PCDH9: variants seen among roughly 807,000 people sequenced by gnomAD.
PCDH9 encodes the protein protocadherin 9.
In PCDH9, 24 loss-of-function variants were observed where a neutral mutation model predicts 70.6. The observed-to-expected ratio is 0.34, with a 90% CI of 0.25 to 0.48. The LOEUF (loss-of-function observed/expected upper bound fraction) is 0.48, where lower values mean the gene tolerates loss of function less well. Among genes scored for constraint, PCDH9 ranks in the 20% least tolerant of loss-of-function variants. The probability of loss-of-function intolerance (pLI) is 0.99; values close to 1 mark genes in which losing one functional copy is unlikely to be tolerated. For missense variants in PCDH9, 1,281 were observed against 1,503.6 expected, an observed-to-expected ratio of 0.85 and a Z score of 2.45; for synonymous variants, 562 against 558.5, an observed-to-expected ratio of 1.01 and a Z score of -0.09.
intron 4 of PCDH9, among the ~76,000 whole-genome samples, chr13:66,556,930 T>G (rs553554402): frequency 6.6e-6 from 1 of 152,292 alleles, no homozygotes; most frequent in South Asian, 2.1e-4. Flanking sequence ...TTATATTATT[T>G]AAAATCAATA....
chr13:66,468,922 A>G (rs1379070000), intron 4 of PCDH9, among the ~76,000 whole-genome samples: 1 of 152,154 alleles, frequency 6.6e-6, no homozygotes, highest in Non-Finnish European at 1.5e-5. Context: ...AAATGAGGTT[A>G]GGAAATAAAT....
rs970029897 is a variant in PCDH9, at chr13:66,820,841, G to A, written c.3138+82663C>T. On this transcript the variant is annotated intron_variant, in intron 3 of 4. Transcript: ENST00000377865. ...AGCAACACACTAGGGCCTGTTTGAG[G>A]GTGGAGGGTGGGAGGAGGAAAATGA... 3.7e-4 allele frequency among the ~76,000 whole-genome samples: 56 copies of A among 152,076 alleles called. 1 individual carries two copies. The highest frequency in any genetic ancestry group is 1.3e-3 in the African/African-American group (54 of 41,396).
chr13:66,371,172 A>G (rs1331632836), intron 4 of PCDH9, among the ~76,000 whole-genome samples: 1 of 152,094 alleles, frequency 6.6e-6, no homozygotes, highest in Non-Finnish European at 1.5e-5. Context: ...ATTGTTCTCT[A>G]TATTTGAGAA....
chr13:66,718,294 GTA>G lies in PCDH9; in HGVS notation c.3139-86885_3139-86884del, dbSNP rs568003713. Among the ~76,000 whole-genome samples, 6 of 152,234 alleles carry G rather than the reference GTA, an allele frequency of 3.9e-5. No homozygotes were observed. In the East Asian group the frequency reaches 1.2e-3, roughly 29 times the overall value. On this transcript the variant is annotated intron_variant, in intron 3 of 4. Coordinates refer to ENST00000377865, the MANE Select transcript of PCDH9 (RefSeq NM_203487.3). The stretch of plus-strand genomic sequence containing the variant: ...ATAGAACACTTTATAAGGTGCTTTT[GTA>G]TATGTTGTGTTACTCAAGCCCCACA...
intron 3 of PCDH9, among the ~76,000 whole-genome samples, chr13:66,896,448 A>T (rs1410783051): frequency 6.6e-6 from 1 of 152,106 alleles, no homozygotes; most frequent in East Asian, 1.9e-4. Context: ...AGTATAATTT[A>T]AAAAATAATA....
chr13:66,743,789 A>G (rs1340846318), intron 3 of PCDH9, among the ~76,000 whole-genome samples: 9 of 152,172 alleles, frequency 5.9e-5, no homozygotes, highest in African/African-American at 1.9e-4. Context: ...AAAAACAACT[A>G]AGTTAAAAAA....
chr13:66,909,730 T>C (rs187369026), intron 2 of PCDH9, among the ~76,000 whole-genome samples: 2 of 152,298 alleles, frequency 1.3e-5, no homozygotes, highest in Admixed American at 1.3e-4. Context: ...GCATTTGGCT[T>C]AGTCATCATG....
chr13:66,471,545 T>G (rs970271049), intron 4 of PCDH9, among the ~76,000 whole-genome samples: 1 of 152,242 alleles, frequency 6.6e-6, no homozygotes, highest in African/African-American at 2.4e-5. Context: ...TTTAACATTA[T>G]AATACCTAAC....
intron 3 of PCDH9, among the ~76,000 whole-genome samples, chr13:66,859,905 G>A (rs1315224580): frequency 1.3e-5 from 2 of 152,106 alleles, no homozygotes. Context: ...CAAGCCATTT[G>A]AATGAAATGG....
chr13:66,341,219 C>T (rs376472628), intron 4 of PCDH9, among the ~76,000 whole-genome samples: 12 of 151,982 alleles, frequency 7.9e-5, no homozygotes, highest in South Asian at 2.1e-4. Context: ...CAGCATCCCC[C>T]GTAGCTGGGA....
At chr13:66,911,814 G>C (rs1463442494) in intron 2 of PCDH9, among the ~76,000 whole-genome samples, 2 of 152,134 alleles carry the variant, frequency 1.3e-5, no homozygotes, top group Non-Finnish European at 2.9e-5. Context: ...GTGGATGCAA[G>C]CAATGCAGGA....
rs1241907107 is a variant in PCDH9, at chr13:66,436,398, T to TTTC, written c.3341-131373_3341-131371dup. Among the ~76,000 whole-genome samples the TTTC allele has an allele frequency of 3.3e-5, 5 of 152,252 alleles. No individual in the cohort carries two copies. The East Asian group carries it at 9.6e-4, about 29-fold the overall frequency. On this transcript the variant is annotated intron_variant, in intron 4 of 4. Coordinates refer to ENST00000377865, the MANE Select transcript of PCDH9 (RefSeq NM_203487.3). ...GCCTTCAGAACTGTGAGAAAATGAA[T>TTTC]TTCTATTCATTATAAATTACCCAGT...
chr13:67,016,849 G>C (rs954986619), intron 2 of PCDH9, among the ~76,000 whole-genome samples: 14 of 152,154 alleles, frequency 9.2e-5, no homozygotes, highest in Admixed American at 8.5e-4. Flanking sequence ...AATTCACCAT[G>C]TAAGCCTTCA....
intron 2 of PCDH9, among the ~76,000 whole-genome samples, chr13:67,105,856 A>ATACT: frequency 6.6e-6 from 1 of 151,762 alleles, no homozygotes; most frequent in East Asian, 1.9e-4. Context: ...TAAAGTTAGT[A>ATACT]ATCTCAAGAA....
Position 67,034,627 on chromosome 13 carries a change from T to C in PCDH9, c.3037-131022A>G, listed in dbSNP as rs1300950604. On this transcript the variant is annotated intron_variant, in intron 2 of 4. Transcript: ENST00000377865. The stretch of plus-strand genomic sequence containing the variant: ...AAATTGTGCCCATATACCATGGCCA[T>C]GTTTTGGTCTATGCTTTTATGCTAG... Among the ~76,000 whole-genome samples the C allele has an allele frequency of 2.6e-5, 4 of 152,138 alleles. No individual in the cohort carries two copies. In the East Asian group the frequency reaches 7.8e-4, roughly 30 times the overall value.
intron 4 of PCDH9, among the ~76,000 whole-genome samples, chr13:66,420,788 C>A (rs1443683764): frequency 3.3e-5 from 5 of 152,060 alleles, no homozygotes; most frequent in Non-Finnish European, 7.3e-5. Flanking sequence ...TCCAAAGGAT[C>A]ACAACTCCTC....
intron 2 of PCDH9, among the ~76,000 whole-genome samples, chr13:66,938,300 T>C (rs1157520001): frequency 6.6e-6 from 1 of 152,206 alleles, no homozygotes; most frequent in Non-Finnish European, 1.5e-5. Flanking sequence ...AATAGAATAA[T>C]TTCCTTAACA....
rs563369543 is a variant in PCDH9 at position 66,978,318 on chromosome 13, A to C, written c.3037-74713T>G. ...CTTGTAAGGTATTTAGGGTAAAGTA[A>C]CTCTGCAAACCAAATACAAAAAAAA... On this transcript the variant is annotated intron_variant, in intron 2 of 4. Coordinates refer to ENST00000377865, the MANE Select transcript of PCDH9 (RefSeq NM_203487.3). 15 of 151,758 alleles carry C rather than the reference A, an allele frequency of 9.9e-5. No individual in the cohort carries two copies. In the East Asian group the frequency reaches 1.9e-3, roughly 20 times the overall value. 9.4% of individuals were successfully genotyped at this position (151,758 alleles called of 1,614,324 possible).
intron 2 of PCDH9, among the ~76,000 whole-genome samples, chr13:67,113,567 A>G (rs144794694): frequency 4.7e-5 from 7 of 150,360 alleles, no homozygotes; most frequent in African/African-American, 1.7e-4. Flanking sequence ...TTTTTTTTTG[A>G]GACGGACTCT....
Sources: allele counts gnomAD v4.1 joint callset (sites outside exome capture counted in the v4.1 genomes callset), GRCh38; gene constraint gnomAD v4.1.1; transcripts MANE v1.5; gene names NCBI Gene and HGNC (gene_info 2026-07-23, HGNC 2026-07-21).